Variants in RBFOX1 observed in about 807,000 individuals in gnomAD.
RBFOX1 encodes the protein RNA binding fox-1 homolog 1, also known as RNA binding protein fox-1 homolog 1.
Under a neutral mutation model 57.7 loss-of-function variants are expected in RBFOX1, and 8 were observed. The observed-to-expected ratio is 0.14, with a 90% CI of 0.08 to 0.25. RBFOX1 has a LOEUF of 0.25. Ranked by LOEUF, RBFOX1 falls within the 10% of genes least tolerant of loss-of-function variation. The pLI, the probability that RBFOX1 is intolerant of heterozygous loss-of-function variation, is 1.00. For synonymous variants in RBFOX1, 326 were observed against 222.4 expected (o/e 1.47, Z -4.15); for missense variants, 611 against 548.5 (o/e 1.11, Z -1.14).
At chr16:7,386,803 A>G (rs1165975610) in intron 4 of RBFOX1, among the ~76,000 whole-genome samples, 1 of 152,162 alleles carries the variant, frequency 6.6e-6, no homozygotes, top group African/African-American at 2.4e-5. Flanking sequence ...GAATCGCCAC[A>G]CTGTCTTCCA....
At chr16:6,336,178 T>TATAC (rs1567962746) in intron 2 of RBFOX1, among the ~76,000 whole-genome samples, 1 of 28,254 alleles carries the variant, frequency 3.5e-5, no homozygotes, top group Non-Finnish European at 6.4e-5. Context: ...TATATATATA[T>TATAC]ATATTTTTTT....
At chr16:6,080,082 T>C (rs2095977197) in intron 1 of RBFOX1, among the ~76,000 whole-genome samples, 1 of 152,188 alleles carries the variant, frequency 6.6e-6, no homozygotes, top group African/African-American at 2.4e-5. Flanking sequence ...TGTTTTCTAA[T>C]GTACAGTGGA....
intron 4 of RBFOX1, among the ~76,000 whole-genome samples, chr16:7,117,510 C>A (rs1383885631): frequency 6.6e-6 from 1 of 151,964 alleles, no homozygotes; most frequent in East Asian, 1.9e-4. Context: ...TATTAACTTA[C>A]CACCAATTAC....
At chr16:5,995,599 T>G (rs1253299095) in intron 4 of RBFOX1, among the ~76,000 whole-genome samples, 2 of 152,232 alleles carry the variant, frequency 1.3e-5, no homozygotes, top group Admixed American at 6.5e-5. Flanking sequence ...GCTGTAGAAT[T>G]CAATTTTCTA....
intron 1 of RBFOX1, among the ~76,000 whole-genome samples, chr16:5,263,856 A>G (rs567091723): frequency 6.6e-6 from 1 of 152,336 alleles, no homozygotes; most frequent in South Asian, 2.1e-4. Flanking sequence ...TGTGATGGTT[A>G]AAAATATTGC....
intron 2 of RBFOX1, among the ~76,000 whole-genome samples, chr16:6,348,055 T>C (rs750132662): frequency 2.6e-5 from 4 of 152,170 alleles, no homozygotes; most frequent in Non-Finnish European, 2.9e-5. Context: ...TTAGCTATCC[T>C]AAGTGTGGGA....
chr16:7,528,633 T>G (rs2152342083), intron 5 of RBFOX1, among the ~76,000 whole-genome samples: 1 of 152,306 alleles, frequency 6.6e-6, no homozygotes, highest in African/African-American at 2.4e-5. Flanking sequence ...CAGTACTGCC[T>G]CCTGAGTAGC....
chr16:7,242,994 G>C (rs2094139441), intron 4 of RBFOX1, among the ~76,000 whole-genome samples: 1 of 151,812 alleles, frequency 6.6e-6, no homozygotes, highest in South Asian at 2.1e-4. Context: ...TCCTCCTCTT[G>C]TTTTTGTTAC....
At chr16:7,316,585 G>C (rs1019934268) in intron 4 of RBFOX1, among the ~76,000 whole-genome samples, 1 of 152,202 alleles carries the variant, frequency 6.6e-6, no homozygotes, top group Non-Finnish European at 1.5e-5. Context: ...TTACAAGTCT[G>C]TGGGAGAGAG....
intron 4 of RBFOX1, among the ~76,000 whole-genome samples, chr16:7,440,262 G>C (rs1443918651): frequency 1.3e-5 from 2 of 152,156 alleles, no homozygotes; most frequent in Non-Finnish European, 2.9e-5. Flanking sequence ...TTAAACAGCA[G>C]AGAGTTTGTT....
intron 1 of RBFOX1, among the ~76,000 whole-genome samples, chr16:5,445,118 C>G (rs774216169): frequency 6.6e-6 from 1 of 152,164 alleles, no homozygotes. Flanking sequence ...GGGAGGGGAT[C>G]TGGATGGATT....
At chr16:7,264,639 G>C (rs1204649516) in intron 4 of RBFOX1, among the ~76,000 whole-genome samples, 1 of 152,162 alleles carries the variant, frequency 6.6e-6, no homozygotes, top group Non-Finnish European at 1.5e-5. Flanking sequence ...ATGGACACTG[G>C]AATTTGCATT....
chr16:6,472,622 CTTTCTTTCTTTTTTT>C (rs1231913797), intron 2 of RBFOX1, among the ~76,000 whole-genome samples: 1 of 151,026 alleles, frequency 6.6e-6, no homozygotes, highest in Non-Finnish European at 1.5e-5. Flanking sequence ...TTTCTTTTTT[CTTTCTTTCTTTTTTT>C]TTTTTCAATG....
chr16:5,616,534 C>T (rs556011177), intron 3 of RBFOX1, among the ~76,000 whole-genome samples: 2 of 151,712 alleles, frequency 1.3e-5, no homozygotes, highest in Non-Finnish European at 2.9e-5. Flanking sequence ...GCTGTCTGCC[C>T]TCTTCCCTTT....
At chr16:5,710,530 G>A (rs2051446774) in intron 3 of RBFOX1, among the ~76,000 whole-genome samples, 1 of 152,156 alleles carries the variant, frequency 6.6e-6, no homozygotes, top group Non-Finnish European at 1.5e-5. Context: ...GGCAGGCCTG[G>A]CACATGGGTT....
chr16:7,188,734 C>A (rs563475219), intron 4 of RBFOX1, among the ~76,000 whole-genome samples: 1 of 152,174 alleles, frequency 6.6e-6, no homozygotes, highest in South Asian at 2.1e-4. Context: ...TTTGGAGATT[C>A]AGATACAGAT....
rs761772019 is a variant in RBFOX1, at chr16:5,954,705, G to T, written c.351+87370G>T. Among the ~76,000 whole-genome samples the T allele has an allele frequency of 1.8e-4, 27 of 152,248 alleles. 1 individual carries two copies. The Middle Eastern group carries it at 0.01, about 58-fold the overall frequency. On this transcript the variant is annotated intron_variant, in intron 4 of 19. Coordinates refer to the RBFOX1 transcript ENST00000641259. ...ACTCTCGGCAAGCATCTGATCGTGT[G>T]CGCCGTGAGCTATTATTTCATCTCT...
chr16:5,460,167 C>A (rs1343476740), intron 1 of RBFOX1, among the ~76,000 whole-genome samples: 2 of 152,134 alleles, frequency 1.3e-5, no homozygotes, highest in Non-Finnish European at 2.9e-5. Context: ...ATGAGAACCT[C>A]AGGTATATGA....
chr16:5,793,060 G>C (rs1375648497), intron 3 of RBFOX1, among the ~76,000 whole-genome samples: 3 of 152,178 alleles, frequency 2.0e-5, no homozygotes, highest in Non-Finnish European at 2.9e-5. Context: ...TGTTGTTCAA[G>C]GGTCAAATGT....
Sources: gnomAD v4.1 joint callset for allele counts (sites outside exome capture counted in the v4.1 genomes callset) on GRCh38, gnomAD v4.1.1 for gene constraint, MANE v1.5 for transcripts, NCBI Gene and HGNC (gene_info 2026-07-23, HGNC 2026-07-21) for gene names.